The following ACSL1 variants were observed in gnomAD, a reference collection of about 807,000 sequenced individuals.
ACSL1 encodes long-chain-fatty-acid--CoA ligase 1.
A neutral mutation model predicts 98.4 loss-of-function variants in ACSL1; 41 were observed. That is an observed-to-expected ratio of 0.42 (90% CI 0.32 to 0.54). The LOEUF (loss-of-function observed/expected upper bound fraction) is 0.54. ACSL1 is among the 20% of genes least tolerant of loss of function. ACSL1 has a pLI of 0.13. For missense variants in ACSL1, 734 were observed against 883.1 expected (o/e 0.83, Z 2.14); for synonymous variants, 316 against 322.7 (o/e 0.98, Z 0.22).
Position 184,773,735 on chromosome 4 carries a change from A to C in ACSL1, c.790-21T>G. 1 of 1,600,222 alleles carries C rather than the reference A, an allele frequency of 6.2e-7. No homozygotes were observed. The highest frequency in any genetic ancestry group is 8.5e-7 in the Non-Finnish European group (1 of 1,175,986). Reference sequence around the variant, plus strand: ...GGAGGCTAAAGATTAAAAAAAAAAAAAGCTGGTATAAATCAGAACAGAAAA... The same window carrying C: ...GGAGGCTAAAGATTAAAAAAAAAAACAGCTGGTATAAATCAGAACAGAAAA... On this transcript the variant is annotated intron_variant, in intron 8 of 20. Coordinates refer to ENST00000281455, the MANE Select transcript of ACSL1 (RefSeq NM_001995.5). This position sits in a 1 kb window ranked among gnomAD's most constrained non-coding sequence, Gnocchi z 4.3.
intron 1 of ACSL1, among the ~76,000 whole-genome samples, chr4:184,807,381 A>C (rs574127916): frequency 6.6e-6 from 1 of 152,362 alleles, no homozygotes; most frequent in East Asian, 1.9e-4. Flanking sequence ...CTGGGAACAC[A>C]TAAGGCTACT....
At position 184,773,906 on chromosome 4, in the gene ACSL1, G is replaced by T. The variant is rs1027120081; in HGVS notation, c.757-31C>A. Reference sequence around the variant, plus strand: ...TTAGAAGAGAAAAAAAGTCTTAAATGGAAACGTTTTCTAACTGTAAAGGAT... The same window carrying T: ...TTAGAAGAGAAAAAAAGTCTTAAATTGAAACGTTTTCTAACTGTAAAGGAT... On this transcript the variant is annotated intron_variant, in intron 7 of 20. Coordinates refer to ENST00000281455, the MANE Select transcript of ACSL1 (RefSeq NM_001995.5). This position sits in a 1 kb window ranked among gnomAD's most constrained non-coding sequence, Gnocchi z 4.3. 4 of 1,613,080 alleles carry T rather than the reference G, an allele frequency of 2.5e-6. No homozygotes were observed. In the African/African-American group the frequency reaches 5.3e-5, roughly 22 times the overall value.
chr4:184,812,164 A>C (rs1315543363), intron 1 of ACSL1: 4 of 984,170 alleles, frequency 4.1e-6, no homozygotes, highest in African/African-American at 1.7e-5. Flanking sequence ...ACTTACAGCG[A>C]ATGGTACTTA....
Position 184,815,990 on chromosome 4 carries a change from A to G in ACSL1, c.-33+9926T>C, listed in dbSNP as rs752085431. On this transcript the variant is annotated intron_variant, in intron 1 of 20. Transcript: ENST00000281455. ...ACAAAAATTAGCCAGGCGTGATGGC[A>G]CACACCTGTAGTCCCGGCTACTCGG... Among the ~76,000 whole-genome samples, 6 of 152,202 alleles carry G rather than the reference A, an allele frequency of 3.9e-5. No homozygotes were observed. In the East Asian group the frequency reaches 7.7e-4, roughly 20 times the overall value.
chr4:184,802,351 C>T (rs561806970), intron 2 of ACSL1, among the ~76,000 whole-genome samples: 20 of 152,168 alleles, frequency 1.3e-4, no homozygotes, highest in Non-Finnish European at 2.4e-4. Context: ...ACTCCCTCTG[C>T]GGCAGTCAGC....
At position 184,773,748 on chromosome 4, in the gene ACSL1, T is replaced by C; in HGVS notation, c.790-34A>G. ...TAAAAAAAAAAAAAGCTGGTATAAA[T>C]CAGAACAGAAAAGAGAACTATAAGC... On this transcript the variant is annotated intron_variant, in intron 8 of 20. Transcript: ENST00000281455. The surrounding 1 kb of genome is among the most constrained non-coding windows in gnomAD (Gnocchi z 4.3). 1 of 1,601,792 alleles carries C rather than the reference T, an allele frequency of 6.2e-7. No homozygotes were observed.
At chr4:184,812,936 TGAG>T (rs1424411866) in intron 1 of ACSL1, among the ~76,000 whole-genome samples, 2 of 152,082 alleles carry the variant, frequency 1.3e-5, no homozygotes, top group African/African-American at 2.4e-5. Context: ...AGGGCTCTAG[TGAG>T]GAGAATGCTC....
rs1764858693 is a variant in ACSL1 at position 184,773,761 on chromosome 4, G to C, written c.790-47C>G. The C allele has an allele frequency of 1.2e-6, 2 of 1,604,372 alleles. No homozygotes were observed. Among genetic ancestry groups the C allele is most frequent in the African/African-American group, 2.7e-5 (2 of 73,714 alleles). ...AGCTGGTATAAATCAGAACAGAAAA[G>C]AGAACTATAAGCCACAAGGTACCAG... On this transcript the variant is annotated intron_variant, in intron 8 of 20. Coordinates refer to ENST00000281455, the MANE Select transcript of ACSL1 (RefSeq NM_001995.5). The surrounding 1 kb of genome is among the most constrained non-coding windows in gnomAD (Gnocchi z 4.3).
chr4:184,762,371 C>A (rs1364520500), intron 17 of ACSL1, 36 bp downstream of exon 17: 1 of 1,535,358 alleles, frequency 6.5e-7, no homozygotes. Context: ...CACAGTGGAA[C>A]TGAACTGTTT....
At position 184,813,346 on chromosome 4, in the gene ACSL1, T is replaced by C. The variant is rs150214218; in HGVS notation, c.-32-9800A>G. The stretch of plus-strand genomic sequence containing the variant: ...GTCACAATGAGGCAGATAAGTTTAC[T>C]GATAAGAGCTAGAGAAGGCAGCCAA... On this transcript the variant is annotated intron_variant, in intron 1 of 20. Coordinates refer to ENST00000281455, the MANE Select transcript of ACSL1 (RefSeq NM_001995.5). Among the ~76,000 whole-genome samples, 3 of 152,220 alleles carry C rather than the reference T, an allele frequency of 2.0e-5. 1 individual carries two copies. The highest frequency in any genetic ancestry group is 4.8e-5 in the African/African-American group (2 of 41,462).
chr4:184,823,421 A>C (rs1561254042), intron 1 of ACSL1, among the ~76,000 whole-genome samples: 1 of 152,230 alleles, frequency 6.6e-6, no homozygotes, highest in Non-Finnish European at 1.5e-5. Context: ...TTAAATGGCA[A>C]ACTTACACAA....
chr4:184,762,779 T>TTC (rs1305446885), intron 16 of ACSL1, among the ~76,000 whole-genome samples: 1 of 152,198 alleles, frequency 6.6e-6, no homozygotes, highest in Non-Finnish European at 1.5e-5. Flanking sequence ...CTCAAAGCTG[T>TTC]TGGAAAGCCC....
chr4:184,784,747 A>G (rs1165399186), intron 3 of ACSL1, among the ~76,000 whole-genome samples: 2 of 152,202 alleles, frequency 1.3e-5, no homozygotes, highest in African/African-American at 4.8e-5. Context: ...GCCCCATCAC[A>G]CAGATCATGC....
rs931791856 is a variant in ACSL1, at chr4:184,825,167, G to T, written c.-33+749C>A. 7 of 985,216 alleles carry T rather than the reference G, an allele frequency of 7.1e-6. No homozygotes were observed. The highest frequency in any genetic ancestry group is 1.0e-3 in the Middle Eastern group (2 of 1,914). 61.0% of individuals were successfully genotyped at this position (985,216 alleles called of 1,614,324 possible). The stretch of plus-strand genomic sequence containing the variant: ...GGTTTCCACACTCTCACAACGCACC[G>T]ACTGGGGGAACGCCTGTCCCCAGAC... On this transcript the variant is annotated intron_variant, in intron 1 of 20. Transcript: ENST00000281455. The surrounding 1 kb of genome is among the most constrained non-coding windows in gnomAD (Gnocchi z 4.7).
At position 184,825,072 on chromosome 4, in the gene ACSL1, A is replaced by C; in HGVS notation, c.-33+844T>G. The C allele has an allele frequency of 2.1e-5, 13 of 625,778 alleles. No homozygotes were observed. The highest frequency in any genetic ancestry group is 7.1e-5 in the South Asian group (1 of 14,058). The allele number at this position is 625,778 out of a possible 1,614,324, so 38.8% of individuals were successfully genotyped here. A position where few individuals can be genotyped will look rare whatever the true frequency, so the allele number is the denominator to read the frequency against. ...GCTTAAAAGTCTTAGCCAGGGCACT[A>C]GAGAACGCTTTTAGAATGGTCACTC... On this transcript the variant is annotated intron_variant, in intron 1 of 20. Coordinates refer to ENST00000281455, the MANE Select transcript of ACSL1 (RefSeq NM_001995.5). This position sits in a 1 kb window ranked among gnomAD's most constrained non-coding sequence, Gnocchi z 4.7.
chr4:184,784,013 C>T (rs753508352), intron 3 of ACSL1, 22 bp from the exon 4 acceptor site: 2 of 1,592,246 alleles, frequency 1.3e-6, no homozygotes, highest in African/African-American at 1.3e-5. Context: ...GAAAAAACAA[C>T]AGATGGGCTG....
intron 2 of ACSL1, among the ~76,000 whole-genome samples, chr4:184,794,746 C>T (rs1273488074): frequency 6.6e-6 from 1 of 152,186 alleles, no homozygotes; most frequent in Non-Finnish European, 1.5e-5. Flanking sequence ...CAAACATGCC[C>T]ACACCTCCTT....
At position 184,788,709 on chromosome 4, in the gene ACSL1, G is replaced by C. The variant is rs549468487; in HGVS notation, c.218C>G (p.Ser73Cys). ...EVAGSGGARRSALLDSDEPLV... is the reference protein window; with the variant it reads ...EVAGSGGARRCALLDSDEPLV... ...GGGCTCGTCGCTGTCAAGTAGTGCG[G>C]ATCTTCGTGCACCACCACTACCCTA... Residue 73 changes from serine to cysteine, a missense_variant, in exon 3 of 21, where the codon TCC becomes TGC. Coordinates refer to ENST00000281455, the MANE Select transcript of ACSL1 (RefSeq NM_001995.5). 3 of 1,614,176 alleles carry C rather than the reference G, an allele frequency of 1.9e-6. No homozygotes were observed. Among genetic ancestry groups the C allele is most frequent in the East Asian group, 4.5e-5 (2 of 44,886 alleles).
Position 184,757,015 on chromosome 4 carries a change from G to T in ACSL1, c.*110C>A. On this transcript the variant is annotated 3_prime_UTR_variant, in exon 21 of 21. Coordinates refer to ENST00000281455, the MANE Select transcript of ACSL1 (RefSeq NM_001995.5). The surrounding 1 kb of genome is among the most constrained non-coding windows in gnomAD (Gnocchi z 4.5). ...AACCCCGAATGGACAAGTCAAACAC[G>T]AACGCTTCCTTCCCTACACTTGCTG... The T allele has an allele frequency of 1.5e-6, 2 of 1,340,480 alleles. No homozygotes were observed. The highest frequency in any genetic ancestry group is 2.0e-6 in the Non-Finnish European group (2 of 998,432). 83.0% of individuals were successfully genotyped at this position (1,340,480 alleles called of 1,614,324 possible). A position where few individuals can be genotyped will look rare whatever the true frequency, so the allele number is the denominator to read the frequency against.
Sources: gnomAD v4.1 joint callset for allele counts (sites outside exome capture counted in the v4.1 genomes callset) on GRCh38, gnomAD v4.1.1 for gene constraint, Gnocchi (gnomAD v3.1) non-coding constraint, MANE v1.5 for transcripts, NCBI Gene and HGNC (gene_info 2026-07-23, HGNC 2026-07-21) for gene names.